Variants in CDH18 observed in about 807,000 individuals in gnomAD.
CDH18 encodes cadherin-18.
A neutral mutation model predicts 67.9 loss-of-function variants in CDH18; 31 were observed. The observed-to-expected ratio is 0.46, with a 90% CI of 0.34 to 0.62. The LOEUF is 0.62. Among genes scored for constraint, CDH18 ranks in the 20% least tolerant of loss-of-function variants. The probability of loss-of-function intolerance (pLI) is 0.01; values close to 1 mark genes in which losing one functional copy is unlikely to be tolerated. For missense variants in CDH18, 890 were observed against 975.5 expected (o/e 0.91, Z 1.17); for synonymous variants, 362 against 347.2 (o/e 1.04, Z -0.48).
chr5:20,225,732 G>C (rs1201240218), intron 2 of CDH18, among the ~76,000 whole-genome samples: 1 of 152,072 alleles, frequency 6.6e-6, no homozygotes, highest in Non-Finnish European at 1.5e-5. Flanking sequence ...GAAAAAATAA[G>C]ATTCCTGGGA....
At chr5:20,221,054 C>T (rs961246770) in intron 2 of CDH18, among the ~76,000 whole-genome samples, 1 of 151,984 alleles carries the variant, frequency 6.6e-6, no homozygotes, top group Non-Finnish European at 1.5e-5. Flanking sequence ...TTAGGGAGAA[C>T]AGTTTGGACA....
chr5:20,123,970 TA>T (rs1450048519), intron 2 of CDH18, among the ~76,000 whole-genome samples: 16 of 151,382 alleles, frequency 1.1e-4, no homozygotes, highest in Non-Finnish European at 2.1e-4. Flanking sequence ...TTGTGATAAC[TA>T]TTAGGAGAAA....
intron 1 of CDH18, among the ~76,000 whole-genome samples, chr5:20,283,281 T>C (rs554980704): frequency 6.6e-6 from 1 of 152,200 alleles, no homozygotes; most frequent in East Asian, 1.9e-4. Flanking sequence ...AAAAAGTTTA[T>C]GCACAGCAAA....
intron 6 of CDH18, among the ~76,000 whole-genome samples, chr5:19,607,117 A>C (rs1748183175): frequency 6.6e-6 from 1 of 151,694 alleles, no homozygotes; most frequent in African/African-American, 2.4e-5. Flanking sequence ...TTTATATAGA[A>C]AAGCTGAGAA....
chr5:19,654,921 C>G (rs1021160086), intron 5 of CDH18, among the ~76,000 whole-genome samples: 2 of 152,154 alleles, frequency 1.3e-5, no homozygotes, highest in African/African-American at 4.8e-5. Flanking sequence ...CACTCCTCTG[C>G]CATGCTGCTC....
intron 1 of CDH18, among the ~76,000 whole-genome samples, chr5:20,364,380 A>G (rs1037011388): frequency 3.9e-5 from 6 of 152,320 alleles, no homozygotes; most frequent in Middle Eastern, 3.4e-3. Context: ...TAGAATGAAG[A>G]CATTATCTCA....
chr5:20,074,734 G>GT (rs11414745), intron 2 of CDH18, among the ~76,000 whole-genome samples: 110,809 of 147,126 alleles, frequency 0.75, 43,893 homozygotes, highest in Non-Finnish European at 0.89. Context: ...ATAGTTTGGG[G>GT]TTTTTTTTTT....
chr5:19,828,478 CT>C (rs1470852452), intron 3 of CDH18, among the ~76,000 whole-genome samples: 3 of 151,924 alleles, frequency 2.0e-5, no homozygotes, highest in African/African-American at 7.2e-5. Context: ...TACTCAGAAA[CT>C]TTTTACATTC....
At chr5:19,804,269 T>C (rs1178735669) in intron 3 of CDH18, among the ~76,000 whole-genome samples, 1 of 150,810 alleles carries the variant, frequency 6.6e-6, no homozygotes, top group Non-Finnish European at 1.5e-5. Context: ...ACCACTGCAC[T>C]CCAGCCTGGG....
At chr5:19,535,099 C>T (rs1749206277) in intron 9 of CDH18, among the ~76,000 whole-genome samples, 2 of 152,112 alleles carry the variant, frequency 1.3e-5, no homozygotes, top group South Asian at 2.1e-4. Flanking sequence ...CCTGAATAAC[C>T]CACGTAAGCT....
intron 1 of CDH18, among the ~76,000 whole-genome samples, chr5:20,537,139 T>G (rs1756769820): frequency 6.6e-6 from 1 of 152,174 alleles, no homozygotes; most frequent in Admixed American, 6.6e-5. Context: ...ATTAGAGGGC[T>G]GATAACTTGT....
At chr5:19,588,078 T>C (rs901394979) in intron 7 of CDH18, among the ~76,000 whole-genome samples, 3 of 151,976 alleles carry the variant, frequency 2.0e-5, no homozygotes, top group Admixed American at 1.3e-4. Context: ...TCATGATTTG[T>C]TTTAGGCTTG....
At chr5:20,381,327 G>A (rs573072222) in intron 1 of CDH18, among the ~76,000 whole-genome samples, 14 of 152,206 alleles carry the variant, frequency 9.2e-5, no homozygotes, top group African/African-American at 3.4e-4. Flanking sequence ...TCAAAAGGTT[G>A]GAGGAAGAGG....
At chr5:20,165,959 G>A (rs1736249984) in intron 2 of CDH18, among the ~76,000 whole-genome samples, 1 of 151,826 alleles carries the variant, frequency 6.6e-6, no homozygotes, top group Admixed American at 6.6e-5. Flanking sequence ...TTTTTTTCTT[G>A]TTTTAAATAG....
At chr5:20,389,242 T>C (rs1306535871) in intron 1 of CDH18, among the ~76,000 whole-genome samples, 1 of 152,208 alleles carries the variant, frequency 6.6e-6, no homozygotes, top group Admixed American at 6.5e-5. Context: ...GCTCCTCTAT[T>C]GGGTGCATAT....
chr5:19,887,652 TTAACCCCCTGGGGTCAAG>T (rs1788357507), intron 2 of CDH18, among the ~76,000 whole-genome samples: 1 of 151,950 alleles, frequency 6.6e-6, no homozygotes, highest in South Asian at 2.1e-4. Context: ...CACTGTAGCC[TTAACCCCCTGGGGTCAAG>T]TGATCTTCTT....
At chr5:20,286,490 T>C (rs1398751944) in intron 1 of CDH18, among the ~76,000 whole-genome samples, 1 of 151,704 alleles carries the variant, frequency 6.6e-6, no homozygotes, top group African/African-American at 2.4e-5. Flanking sequence ...ACATATGATA[T>C]TGAAGTGGAA....
At chr5:20,373,441 T>C (rs1311318294) in intron 1 of CDH18, among the ~76,000 whole-genome samples, 1 of 152,154 alleles carries the variant, frequency 6.6e-6, no homozygotes, top group Non-Finnish European at 1.5e-5. Flanking sequence ...GTCCAATCTT[T>C]GGATGACTTA....
chr5:20,546,595 G>A lies in CDH18; in HGVS notation c.-580+28867C>T, dbSNP rs146573895. Among the ~76,000 whole-genome samples the A allele has an allele frequency of 3.6e-3, 555 of 152,124 alleles. 2 individuals carry two copies. Among genetic ancestry groups the A allele is most frequent in the African/African-American group, 9.6e-3 (400 of 41,518 alleles). ...CACTGTTGAATCCATCGGTTCTCGC[G>A]ATAACTCACTCACTATCACAATAAT... On this transcript the variant is annotated intron_variant, in intron 1 of 14. Coordinates refer to the CDH18 transcript ENST00000507958.
Sources: gnomAD v4.1 joint callset for allele counts (sites outside exome capture counted in the v4.1 genomes callset) on GRCh38, gnomAD v4.1.1 for gene constraint, MANE v1.5 for transcripts, NCBI Gene and HGNC (gene_info 2026-07-23, HGNC 2026-07-21) for gene names.